The following PDE11A variants were observed in gnomAD, a reference collection of about 807,000 sequenced individuals.
The protein encoded by PDE11A is phosphodiesterase 11A, also known as dual 3',5'-cyclic-AMP and -GMP phosphodiesterase 11A.
PDE11A carries 100 observed loss-of-function variants against 100.5 expected under a neutral mutation model. The ratio of observed to expected loss-of-function variants is 1.00; its 90% CI spans 0.85 to 1.18. The LOEUF is 1.18. PDE11A is among the 50% of genes most tolerant of loss of function. The pLI, the probability that PDE11A is intolerant of heterozygous loss-of-function variation, is 0.00. For synonymous variants in PDE11A, 381 were observed against 420.8 expected (o/e 0.91, Z 1.16); for missense variants, 1,141 against 1,152.6 (o/e 0.99, Z 0.15).
At chr2:177,771,956 C>T (rs773056967) in intron 9 of PDE11A, among the ~76,000 whole-genome samples, 1 of 151,910 alleles carries the variant, frequency 6.6e-6, no homozygotes, top group Non-Finnish European at 1.5e-5. Context: ...GAGCCGAGAT[C>T]GTGCCATTGC....
intron 5 of PDE11A, among the ~76,000 whole-genome samples, chr2:177,867,619 G>A (rs530077956): frequency 1.1e-4 from 17 of 152,190 alleles, no homozygotes; most frequent in Admixed American, 3.9e-4. Context: ...CTAGCTACTC[G>A]GCAGGCTGAG....
intron 13 of PDE11A, among the ~76,000 whole-genome samples, chr2:177,705,370 A>G (rs983189986): frequency 1.3e-5 from 2 of 152,232 alleles, no homozygotes; most frequent in African/African-American, 2.4e-5. Context: ...ATATGATTAT[A>G]TATACATAGG....
intron 19 of PDE11A, among the ~76,000 whole-genome samples, chr2:177,634,283 T>C (rs77038175): frequency 0.024 from 3,652 of 152,214 alleles, 129 homozygotes; most frequent in African/African-American, 0.083. Context: ...TATATTCTCC[T>C]GAAACACAGA....
intron 2 of PDE11A, among the ~76,000 whole-genome samples, chr2:177,978,892 C>G (rs1200262655): frequency 1.9e-5 from 2 of 106,412 alleles, no homozygotes; most frequent in Non-Finnish European, 3.9e-5. Flanking sequence ...CACATGGACA[C>G]AGGAAGGGGA....
chr2:177,957,415 AACAAC>A (rs763964224), intron 2 of PDE11A, among the ~76,000 whole-genome samples: 5 of 152,222 alleles, frequency 3.3e-5, no homozygotes, highest in African/African-American at 4.8e-5. Context: ...TCCTAAAAAC[AACAAC>A]ACAAAACAAA....
chr2:177,758,461 C>A (rs545412707), intron 10 of PDE11A, among the ~76,000 whole-genome samples: 12 of 152,094 alleles, frequency 7.9e-5, no homozygotes, highest in African/African-American at 2.7e-4. Flanking sequence ...TCTAGGGAAG[C>A]GAAAAGCACC....
At chr2:177,841,226 T>C (rs921969283) in intron 5 of PDE11A, among the ~76,000 whole-genome samples, 1 of 152,166 alleles carries the variant, frequency 6.6e-6, no homozygotes, top group African/African-American at 2.4e-5. Context: ...CAAGTATATA[T>C]TGAGCACTGC....
chr2:178,050,709 T>C (rs2086813741), intron 1 of PDE11A, among the ~76,000 whole-genome samples: 1 of 152,132 alleles, frequency 6.6e-6, no homozygotes, highest in Non-Finnish European at 1.5e-5. Context: ...ACGTGACGCA[T>C]GCACAAGATT....
intron 13 of PDE11A, among the ~76,000 whole-genome samples, chr2:177,703,820 A>G (rs1250986780): frequency 2.0e-5 from 3 of 152,092 alleles, no homozygotes; most frequent in African/African-American, 7.2e-5. Context: ...CAAATACACC[A>G]TGGCTTCTGA....
chr2:177,887,267 C>T (rs2084450805), intron 4 of PDE11A, among the ~76,000 whole-genome samples: 2 of 152,158 alleles, frequency 1.3e-5, no homozygotes, highest in South Asian at 4.1e-4. Context: ...ATACAAACAA[C>T]TAAATCAACA....
At chr2:177,895,899 C>A (rs1264935871) in intron 4 of PDE11A, among the ~76,000 whole-genome samples, 2 of 151,486 alleles carry the variant, frequency 1.3e-5, no homozygotes, top group Non-Finnish European at 2.9e-5. Flanking sequence ...ACACTGTATA[C>A]CAGAAATACA....
chr2:177,818,465 T>G (rs1443712085), intron 7 of PDE11A, among the ~76,000 whole-genome samples: 2 of 151,966 alleles, frequency 1.3e-5, no homozygotes, highest in African/African-American at 4.8e-5. Context: ...ACCTAACTTT[T>G]TTAGCACTCA....
intron 1 of PDE11A, chr2:178,038,790 C>T (rs2086647805): frequency 6.6e-6 from 1 of 152,006 alleles, no homozygotes; most frequent in African/African-American, 2.4e-5. Flanking sequence ...GTAGGGAAAG[C>T]TAGAATTTGT....
chr2:177,986,019 T>C (rs748088307), intron 2 of PDE11A, among the ~76,000 whole-genome samples: 1 of 152,208 alleles, frequency 6.6e-6, no homozygotes, highest in Non-Finnish European at 1.5e-5. Flanking sequence ...AAGGATCCTT[T>C]TGCTCACTTT....
intron 1 of PDE11A, among the ~76,000 whole-genome samples, chr2:178,017,570 A>G (rs1463066541): frequency 6.6e-6 from 1 of 152,216 alleles, no homozygotes; most frequent in African/African-American, 2.4e-5. Context: ...CTAAATTTAT[A>G]TTAGTGATTA....
In PDE11A at chr2:178,061,610, A is replaced by G. The variant is rs150314372; in HGVS notation, c.912+9916T>C. On this transcript the variant is annotated intron_variant, in intron 1 of 19. Transcript: ENST00000286063. ...AGGGTGAGATAAATAGGGAAGAGTA[A>G]AGAGAGGAGGTGGCTCGGAAGCAAA... Among the ~76,000 whole-genome samples the G allele has an allele frequency of 2.6e-5, 4 of 152,332 alleles. No individual in the cohort carries two copies. The East Asian group carries it at 5.8e-4, about 22-fold the overall frequency.
At chr2:177,689,165 C>G (rs1468190211) in intron 15 of PDE11A, among the ~76,000 whole-genome samples, 5 of 152,110 alleles carry the variant, frequency 3.3e-5, no homozygotes, top group African/African-American at 1.2e-4. Flanking sequence ...TCACCGCAAC[C>G]TCCTCCTCTC....
At chr2:177,933,956 C>T (rs1053285669) in intron 2 of PDE11A, among the ~76,000 whole-genome samples, 1 of 152,100 alleles carries the variant, frequency 6.6e-6, no homozygotes, top group Non-Finnish European at 1.5e-5. Flanking sequence ...GGACCCCTAC[C>T]TTTCACCATA....
chr2:177,852,434 A>T (rs1459990077), intron 5 of PDE11A, among the ~76,000 whole-genome samples: 2 of 152,128 alleles, frequency 1.3e-5, no homozygotes, highest in African/African-American at 2.4e-5. Flanking sequence ...TGTTTCATTG[A>T]CTAGAGGTCA....
Sources: allele counts gnomAD v4.1 joint callset (sites outside exome capture counted in the v4.1 genomes callset), GRCh38; gene constraint gnomAD v4.1.1; transcripts MANE v1.5; gene names NCBI Gene and HGNC (gene_info 2026-07-23, HGNC 2026-07-21).